The following PHF20 variants were observed in gnomAD, a reference collection of about 807,000 sequenced individuals.
The protein encoded by PHF20 is glioma-expressed antigen 2.
PHF20 carries 23 observed loss-of-function variants against 113.5 expected under a neutral mutation model. The observed-to-expected ratio is 0.20, with a 90% CI of 0.15 to 0.29. The LOEUF (loss-of-function observed/expected upper bound fraction) is 0.29. Among genes scored for constraint, PHF20 ranks in the 10% least tolerant of loss-of-function variants. PHF20 has a pLI of 1.00. For missense variants in PHF20, 943 were observed against 1,219.6 expected (o/e 0.77, Z 3.38); for synonymous variants, 434 against 457.3 (o/e 0.95, Z 0.65).
intron 2 of PHF20, among the ~76,000 whole-genome samples, chr20:35,829,773 T>C (rs1451706494): frequency 1.3e-5 from 2 of 152,042 alleles, no homozygotes; most frequent in African/African-American, 4.8e-5. Context: ...GGCAGGCATA[T>C]TGCATGAGCC....
chr20:35,845,052 T>C (rs1341211653), intron 3 of PHF20, among the ~76,000 whole-genome samples: 2 of 152,212 alleles, frequency 1.3e-5, no homozygotes. Flanking sequence ...GGACCAGTTC[T>C]GGACCCTGGC....
At chr20:35,873,466 G>GTTTTTTTTTTT (rs759056358) in intron 9 of PHF20, among the ~76,000 whole-genome samples, 2 of 82,362 alleles carry the variant, frequency 2.4e-5, no homozygotes, top group Non-Finnish European at 4.8e-5. Context: ...CTGTTTTTTT[G>GTTTTTTTTTTT]TTTTTTTTTT....
chr20:35,926,581 G>T (rs1459954981), intron 13 of PHF20, among the ~76,000 whole-genome samples: 1 of 152,052 alleles, frequency 6.6e-6, no homozygotes, highest in African/African-American at 2.4e-5. Flanking sequence ...TTCTGCTACT[G>T]ACCGCCTTTT....
chr20:35,804,980 C>T (rs2041854335), intron 2 of PHF20, among the ~76,000 whole-genome samples: 1 of 152,104 alleles, frequency 6.6e-6, no homozygotes, highest in South Asian at 2.1e-4. Context: ...TGGCTCACTG[C>T]AATCTCCGCC....
chr20:35,851,007 T>C (rs1457152675), intron 4 of PHF20: 1 of 388,718 alleles, frequency 2.6e-6, no homozygotes, highest in Non-Finnish European at 4.9e-6. Flanking sequence ...TTGGCCAGGC[T>C]GGTCTGGAAC....
At chr20:35,823,140 CAAAAGTACAAA>C (rs1197341281) in intron 2 of PHF20, among the ~76,000 whole-genome samples, 1 of 151,868 alleles carries the variant, frequency 6.6e-6, no homozygotes, top group Non-Finnish European at 1.5e-5. Context: ...ATAAAAGTTA[CAAAAGTACAAA>C]AAAAGTACAA....
chr20:35,821,445 A>G (rs1006792677), intron 2 of PHF20, among the ~76,000 whole-genome samples: 13 of 148,164 alleles, frequency 8.8e-5, no homozygotes, highest in East Asian at 4.0e-4. Context: ...AAAAAAAAAA[A>G]GGGGCTGTGA....
chr20:35,908,452 G>T (rs2055239670), intron 10 of PHF20, among the ~76,000 whole-genome samples: 1 of 152,232 alleles, frequency 6.6e-6, no homozygotes. Flanking sequence ...TTAGGACCTA[G>T]ATTATGTTGC....
chr20:35,789,865 T>A (rs2041506801), intron 1 of PHF20, among the ~76,000 whole-genome samples: 1 of 50,364 alleles, frequency 2.0e-5, no homozygotes, highest in Non-Finnish European at 3.7e-5. Flanking sequence ...CCCCCCCCCT[T>A]TTTTTTTATA....
intron 2 of PHF20, among the ~76,000 whole-genome samples, chr20:35,807,565 C>A (rs926398409): frequency 7.2e-5 from 11 of 151,924 alleles, no homozygotes; most frequent in African/African-American, 2.7e-4. Context: ...TTTGGCCAGG[C>A]TGGTCTTGAA....
chr20:35,898,058 T>C (rs922957517), intron 9 of PHF20, among the ~76,000 whole-genome samples: 4 of 151,862 alleles, frequency 2.6e-5, no homozygotes, highest in African/African-American at 9.7e-5. Context: ...GTATTTTTAG[T>C]AGAGATGGGG....
chr20:35,820,127 A>G (rs1483068999), intron 2 of PHF20, among the ~76,000 whole-genome samples: 2 of 152,204 alleles, frequency 1.3e-5, no homozygotes, highest in African/African-American at 4.8e-5. Context: ...GCATGTGTTC[A>G]GTACCTAGAA....
At chr20:35,805,452 G>GCAA (rs2041864128) in intron 2 of PHF20, among the ~76,000 whole-genome samples, 1 of 150,266 alleles carries the variant, frequency 6.7e-6, no homozygotes, top group African/African-American at 2.5e-5. Context: ...GCGCAATCTC[G>GCAA]GCTCACTGCA....
intron 9 of PHF20, among the ~76,000 whole-genome samples, chr20:35,895,681 C>CTTTTT (rs762279629): frequency 2.5e-4 from 29 of 116,772 alleles, no homozygotes; most frequent in African/African-American, 7.0e-4. Context: ...TTTGCTTCTC[C>CTTTTT]TTTTTTTTTT....
At chr20:35,903,077 C>CTTT (rs376888832) in intron 10 of PHF20, among the ~76,000 whole-genome samples, 3,119 of 59,878 alleles carry the variant, frequency 0.052, 125 homozygotes, top group African/African-American at 0.1. Context: ...CCTATCCTTT[C>CTTT]TTTTTTTTTT....
chr20:35,779,563 G>A (rs1444186891), intron 1 of PHF20, among the ~76,000 whole-genome samples: 2 of 148,748 alleles, frequency 1.3e-5, no homozygotes, highest in African/African-American at 2.5e-5. Flanking sequence ...TCACTCTGTC[G>A]CCCAGAAGTG....
chr20:35,866,674 G>A (rs2054325330), intron 6 of PHF20, among the ~76,000 whole-genome samples: 1 of 152,170 alleles, frequency 6.6e-6, no homozygotes, highest in South Asian at 2.1e-4. Flanking sequence ...GTATGTATGA[G>A]AATTGAGTGT....
intron 5 of PHF20, among the ~76,000 whole-genome samples, chr20:35,860,358 A>G (rs1384851467): frequency 6.7e-6 from 1 of 149,210 alleles, no homozygotes; most frequent in Non-Finnish European, 1.5e-5. Flanking sequence ...CTCCTTCCTC[A>G]GCCTCCTGAG....
intron 2 of PHF20, among the ~76,000 whole-genome samples, chr20:35,811,464 T>C (rs2041976299): frequency 6.7e-6 from 1 of 150,028 alleles, no homozygotes. Flanking sequence ...TTTTTTGAGA[T>C]GGAGTTTTGC....
Sources: gnomAD v4.1 joint callset for allele counts (sites outside exome capture counted in the v4.1 genomes callset) on GRCh38, gnomAD v4.1.1 for gene constraint, MANE v1.5 for transcripts, NCBI Gene and HGNC (gene_info 2026-07-23, HGNC 2026-07-21) for gene names.